Variants in MTHFD2L observed in about 807,000 individuals in gnomAD.
The protein encoded by MTHFD2L is bifunctional methylenetetrahydrofolate dehydrogenase/cyclohydrolase 2, mitochondrial.
Under a neutral mutation model 34.9 loss-of-function variants are expected in MTHFD2L, and 29 were observed. That is an observed-to-expected ratio of 0.83 (90% CI 0.62 to 1.13). The LOEUF is 1.13. MTHFD2L is among the 50% of genes most tolerant of loss of function. MTHFD2L has a pLI of 0.00. For missense variants in MTHFD2L, 481 were observed against 446.5 expected (o/e 1.08, Z -0.70); for synonymous variants, 167 against 155.7 (o/e 1.07, Z -0.54).
chr4:74,259,732 T>A (rs532939614), intron 6 of MTHFD2L, among the ~76,000 whole-genome samples: 2 of 152,310 alleles, frequency 1.3e-5, no homozygotes, highest in East Asian at 3.9e-4. Context: ...ATCAGCTATA[T>A]GTTTAACAGA....
chr4:74,215,077 C>T (rs1322527452), intron 5 of MTHFD2L, among the ~76,000 whole-genome samples: 2 of 151,714 alleles, frequency 1.3e-5, no homozygotes, highest in East Asian at 1.9e-4. Context: ...CATCCCAGGC[C>T]GACTTCAGAC....
intron 1 of MTHFD2L, among the ~76,000 whole-genome samples, chr4:74,165,657 T>C (rs1360479836): frequency 1.3e-5 from 2 of 152,218 alleles, no homozygotes; most frequent in Non-Finnish European, 2.9e-5. Context: ...GGCCCGGCCC[T>C]TGTGCTTAAT....
At chr4:74,287,412 G>C (rs1368396886) in intron 7 of MTHFD2L, among the ~76,000 whole-genome samples, 4 of 152,088 alleles carry the variant, frequency 2.6e-5, no homozygotes, top group African/African-American at 4.8e-5. Flanking sequence ...GAGTATAGGT[G>C]AAGGACTATA....
At chr4:74,238,100 C>T (rs1741120462) in intron 6 of MTHFD2L, among the ~76,000 whole-genome samples, 1 of 152,020 alleles carries the variant, frequency 6.6e-6, no homozygotes, top group East Asian at 1.9e-4. Flanking sequence ...CTAATTAATA[C>T]CTAGGAAAAT....
chr4:74,230,435 C>T (rs1739840414), intron 6 of MTHFD2L, among the ~76,000 whole-genome samples: 1 of 151,286 alleles, frequency 6.6e-6, no homozygotes, highest in South Asian at 2.1e-4. Flanking sequence ...ACTAAAAATA[C>T]AAAAATTAGC....
At chr4:74,268,179 G>C (rs1745543990) in intron 6 of MTHFD2L, 1 of 982,734 alleles carries the variant, frequency 1.0e-6, no homozygotes, top group African/African-American at 1.8e-5. Context: ...AAGACACTGA[G>C]GTTTTTGTAT....
intron 6 of MTHFD2L, among the ~76,000 whole-genome samples, chr4:74,262,582 A>G (rs1246240458): frequency 6.6e-6 from 1 of 151,998 alleles, no homozygotes; most frequent in Non-Finnish European, 1.5e-5. Flanking sequence ...AGAACAATTT[A>G]TAGGAAAGGA....
intron 6 of MTHFD2L, among the ~76,000 whole-genome samples, chr4:74,263,105 A>G (rs1247636079): frequency 2.0e-5 from 3 of 151,776 alleles, no homozygotes; most frequent in African/African-American, 7.2e-5. Context: ...ATATGTGTAT[A>G]TATGTATACA....
intron 1 of MTHFD2L, among the ~76,000 whole-genome samples, chr4:74,133,914 A>G (rs752835531): frequency 8.5e-5 from 13 of 152,164 alleles, no homozygotes; most frequent in Non-Finnish European, 1.3e-4. Flanking sequence ...GAGATCCTGT[A>G]TGAGGATGAG....
At chr4:74,184,858 CCTT>C (rs1730847414) in intron 3 of MTHFD2L, among the ~76,000 whole-genome samples, 1 of 151,940 alleles carries the variant, frequency 6.6e-6, no homozygotes, top group Admixed American at 6.6e-5. Context: ...AGTAACAAAA[CCTT>C]CTGGAAGGCT....
intron 7 of MTHFD2L, among the ~76,000 whole-genome samples, chr4:74,301,062 A>T (rs558318642): frequency 6.6e-6 from 1 of 152,234 alleles, no homozygotes; most frequent in East Asian, 1.9e-4. Context: ...AATTTGAAGT[A>T]TAGTTCCCAC....
chr4:74,219,955 CT>C (rs1212962582), intron 5 of MTHFD2L, among the ~76,000 whole-genome samples: 1 of 152,104 alleles, frequency 6.6e-6, no homozygotes, highest in African/African-American at 2.4e-5. Context: ...TCCTGATATA[CT>C]TTTCTTTTGC....
At chr4:74,187,288 G>A (rs11947475) in intron 3 of MTHFD2L, among the ~76,000 whole-genome samples, 7,572 of 152,008 alleles carry the variant, frequency 0.05, 586 homozygotes, top group African/African-American at 0.17. Context: ...AACCCAAACC[G>A]CTCCAGAATA....
At chr4:74,285,492 C>A (rs1037011432) in intron 7 of MTHFD2L, among the ~76,000 whole-genome samples, 5 of 151,888 alleles carry the variant, frequency 3.3e-5, no homozygotes, top group Non-Finnish European at 7.4e-5. Flanking sequence ...AAATTGCATT[C>A]GTTTTTTTAA....
At chr4:74,231,393 A>G (rs1740034737) in intron 6 of MTHFD2L, among the ~76,000 whole-genome samples, 1 of 152,146 alleles carries the variant, frequency 6.6e-6, no homozygotes, top group African/African-American at 2.4e-5. Context: ...TAGCTCCACC[A>G]TCCCCACAGC....
At chr4:74,243,529 TTTG>T (rs1435818496) in intron 6 of MTHFD2L, among the ~76,000 whole-genome samples, 2 of 152,214 alleles carry the variant, frequency 1.3e-5, no homozygotes, top group Non-Finnish European at 2.9e-5. Flanking sequence ...ATTTTGATAT[TTTG>T]TTGTTTTATT....
At chr4:74,205,763 A>G (rs529246686) in intron 5 of MTHFD2L, among the ~76,000 whole-genome samples, 47 of 152,212 alleles carry the variant, frequency 3.1e-4, no homozygotes, top group African/African-American at 1.1e-3. Flanking sequence ...TTTAGCTGCT[A>G]TGTAGTTTAT....
rs780793006 is a variant in MTHFD2L, at chr4:74,158,201, G to A, written c.63G>A (p.Leu21=). 8 of 1,525,578 alleles carry A rather than the reference G, an allele frequency of 5.2e-6. No homozygotes were observed. In the South Asian group the frequency reaches 8.7e-5, roughly 17 times the overall value. The allele number at this position is 1,525,578 out of a possible 1,614,324, so 94.5% of individuals were successfully genotyped here. ...LRGRLGRAPA[L]GRSTAPSVRA... The stretch of plus-strand genomic sequence containing the variant: ...GCCGCCTTGGCCGAGCGCCGGCGTT[G>A]GGCAGAAGCACAGCACCCTCCGTAA... The change falls in exon 1 of 8, where the codon TTG becomes TTA. Residue 21 remains leucine (L), a synonymous_variant. Transcript: ENST00000325278.
chr4:74,185,391 C>T (rs2109999340), intron 3 of MTHFD2L, among the ~76,000 whole-genome samples: 1 of 151,872 alleles, frequency 6.6e-6, no homozygotes, highest in Non-Finnish European at 1.5e-5. Flanking sequence ...GGTCAGAAAT[C>T]AGTAATCTCA....
Sources: allele counts gnomAD v4.1 joint callset (sites outside exome capture counted in the v4.1 genomes callset), GRCh38; gene constraint gnomAD v4.1.1; transcripts MANE v1.5; gene names NCBI Gene and HGNC (gene_info 2026-07-23, HGNC 2026-07-21).